Variants in FTCD observed in about 807,000 individuals in gnomAD.
FTCD encodes formimidoyltransferase-cyclodeaminase.
Under a neutral mutation model 62.9 loss-of-function variants are expected in FTCD, and 76 were observed. The observed-to-expected ratio is 1.21, with a 90% confidence interval of 1.00 to 1.46. The LOEUF (loss-of-function observed/expected upper bound fraction) is 1.46. FTCD is among the 40% of genes most tolerant of loss of function. The probability of loss-of-function intolerance (pLI) is 0.00; values close to 1 mark genes in which losing one functional copy is unlikely to be tolerated. For synonymous variants in FTCD, 397 were observed against 336.9 expected (o/e 1.18, Z -1.95); for missense variants, 845 against 751.3 (o/e 1.12, Z -1.46).
intron 1 of FTCD, 89 bp downstream of exon 1, chr21:46,155,381 C>A (rs1453301471): frequency 7.0e-6 from 8 of 1,137,284 alleles, no homozygotes; most frequent in Non-Finnish European, 9.2e-6. Flanking sequence ...CCCGGGACAC[C>A]AAGCCCACCA....
At position 46,136,907 on chromosome 21, in the gene FTCD, G is replaced by A. The variant is rs555216993; in HGVS notation, c.*80C>T. 2 of 1,602,486 alleles carry A rather than the reference G, an allele frequency of 1.2e-6. No individual in the cohort carries two copies. The highest frequency in any genetic ancestry group is 1.1e-5 in the South Asian group (1 of 89,364). On this transcript the variant is annotated 3_prime_UTR_variant, in exon 14 of 14. Coordinates refer to ENST00000397746, the MANE Select transcript of FTCD (RefSeq NM_206965.2). ...TCCGGGCCCCACACGAACAAGCTGT[G>A]TCCCCACCGAGGTCACAGCTCTGCC...
At chr21:46,150,661 G>A (rs1344462381) in intron 5 of FTCD, 136 bp from the exon 6 acceptor site, 21 of 907,668 alleles carry the variant, frequency 2.3e-5, no homozygotes, top group Admixed American at 3.7e-5. Flanking sequence ...GTTCTCCTCC[G>A]TCCCTCACTG....
At chr21:46,154,500 G>A (rs1048845317) in intron 1 of FTCD, among the ~76,000 whole-genome samples, 168 bp from the exon 2 acceptor site, 5 of 152,012 alleles carry the variant, frequency 3.3e-5, no homozygotes, top group African/African-American at 9.7e-5. Flanking sequence ...CGCACACAGC[G>A]GCCGCCCGGG....
At chr21:46,155,094 C>G (rs1226746701) in intron 1 of FTCD, among the ~76,000 whole-genome samples, 1 of 152,204 alleles carries the variant, frequency 6.6e-6, no homozygotes, top group Non-Finnish European at 1.5e-5. Context: ...CAGTGGGGAC[C>G]ATGCTGGGCC....
chr21:46,145,693 C>T (rs1373128854), intron 9 of FTCD, 115 bp from the exon 10 acceptor site: 7 of 514,864 alleles, frequency 1.4e-5, no homozygotes, highest in Non-Finnish European at 1.9e-5. Context: ...GTGGCCCCCA[C>T]GTCTCCACCC....
Position 46,136,837 on chromosome 21 carries a change from G to C in FTCD, c.*150C>G. 1 of 1,550,638 alleles carries C rather than the reference G, an allele frequency of 6.4e-7. No homozygotes were observed. The highest frequency in any genetic ancestry group is 1.2e-5 in the South Asian group (1 of 84,098). ...GACTAGGGGCCTTCTGTCCCTGCCA[G>C]CGCCTCCATTCCCAGGCGATGCCCC... On this transcript the variant is annotated 3_prime_UTR_variant, in exon 14 of 14. Transcript: ENST00000397746.
intron 7 of FTCD, among the ~76,000 whole-genome samples, chr21:46,147,289 G>GAAA (rs35123061): frequency 6.8e-6 from 1 of 147,904 alleles, no homozygotes; most frequent in African/African-American, 2.5e-5. Flanking sequence ...GGTGAAGCAG[G>GAAA]AAAAAAAAAA....
rs373803401 is a variant in FTCD, at chr21:46,138,687, A to G, written c.1305-41T>C. On this transcript the variant is annotated intron_variant, in intron 11 of 13. Transcript: ENST00000397746. ...GGAGAGCCTGAGCACAGCGGCACACACAGGCAGGCAGTGGACACACTGCAC... is the reference window on the plus strand; with the variant it reads ...GGAGAGCCTGAGCACAGCGGCACACGCAGGCAGGCAGTGGACACACTGCAC... The G allele has an allele frequency of 2.0e-3, 3,110 of 1,588,584 alleles. 8 individuals carry two copies. Among genetic ancestry groups the G allele is most frequent in the Non-Finnish European group, 2.5e-3 (2,897 of 1,171,124 alleles).
At chr21:46,146,646 C>T (rs1347884171) in intron 7 of FTCD, 4 of 501,602 alleles carry the variant, frequency 8.0e-6, no homozygotes, top group South Asian at 2.5e-5. Context: ...CATGCTTCGC[C>T]GCCCCCCAGC....
chr21:46,146,237 G>C, intron 8 of FTCD, 29 bp downstream of exon 8: 2 of 1,526,524 alleles, frequency 1.3e-6, no homozygotes, highest in South Asian at 1.2e-5. Context: ...CGGGAGGGGT[G>C]AGAAGAGGGC....
intron 7 of FTCD, among the ~76,000 whole-genome samples, chr21:46,149,757 A>G (rs1432486394): frequency 3.4e-4 from 51 of 152,198 alleles, no homozygotes; most frequent in Non-Finnish European, 8.8e-5. Context: ...TAAGTCCCAT[A>G]GCTAAAGGCA....
chr21:46,139,695 C>T (rs1304248887), intron 10 of FTCD, among the ~76,000 whole-genome samples: 2 of 152,234 alleles, frequency 1.3e-5, no homozygotes, highest in Non-Finnish European at 2.9e-5. Flanking sequence ...TTGACCATTC[C>T]GACAGCAGTG....
chr21:46,142,351 G>A (rs2079032526), intron 10 of FTCD: 1 of 143,334 alleles, frequency 7.0e-6, no homozygotes, highest in Non-Finnish European at 1.5e-5. Flanking sequence ...TGAGCCATAA[G>A]CTCTTACAGG....
chr21:46,155,440 T>A, intron 1 of FTCD, 30 bp downstream of exon 1: 1 of 1,589,780 alleles, frequency 6.3e-7, no homozygotes. Flanking sequence ...CCATCAGCCC[T>A]AGATGCTTGA....
chr21:46,150,506 A>G lies in FTCD; in HGVS notation c.656T>C (p.Val219Ala). Residue 219 changes from valine (V) to alanine (A), a missense_variant, in exon 6 of 14, where the codon GTT (valine) becomes GCT (alanine). Val to Ala is a moderately conservative substitution (Grantham distance 64). Transcript: ENST00000397746. ...GKDQPGRLKK[V>A]QGIGWYLDEK... ...ATCCAGGTACCAGCCAATGCCCTGA[A>G]CTTTCTTCAGACGTCCTGGCTGCAA... 6.2e-7 allele frequency: 1 copy of G among 1,613,350 alleles called. No homozygotes were observed. Among genetic ancestry groups the G allele is most frequent in the Non-Finnish European group, 8.5e-7 (1 of 1,179,980 alleles).
intron 7 of FTCD, among the ~76,000 whole-genome samples, chr21:46,148,928 C>T (rs1568977478): frequency 6.6e-6 from 1 of 152,126 alleles, no homozygotes; most frequent in Non-Finnish European, 1.5e-5. Flanking sequence ...GTTGAATTTC[C>T]TGATTTTGAT....
At position 46,151,600 on chromosome 21, in the gene FTCD, G is replaced by A; in HGVS notation, c.594C>T (p.Arg198=). 6.2e-7 allele frequency: 1 copy of A among 1,613,030 alleles called. No individual in the cohort carries two copies. The highest frequency in any genetic ancestry group is 8.5e-7 in the Non-Finnish European group (1 of 1,179,960). ...CCTGCTCCCGCAGGTTGAGCGCGAT[G>A]CGGTGGGCTTGCTCCTTTGTGCCGA... is the stretch of plus-strand genomic sequence containing the variant. The part of the protein sequence containing the change: ...NLLGTKEQAH[R]IALNLREQGR... Residue 198 remains arginine (R), a synonymous_variant, in exon 5 of 14, where the codon CGC becomes CGT. Coordinates refer to ENST00000397746, the MANE Select transcript of FTCD (RefSeq NM_206965.2).
intron 4 of FTCD, 55 bp from the exon 5 acceptor site, chr21:46,151,792 C>G (rs1035646736): frequency 1.3e-6 from 2 of 1,599,936 alleles, no homozygotes; most frequent in Non-Finnish European, 1.7e-6. Context: ...GAACAGCCCC[C>G]CGGGGTCCCG....
At position 46,155,207 on chromosome 21, in the gene FTCD, C is replaced by G. The variant is rs369317277; in HGVS notation, c.54+263G>C. 5.9e-5 allele frequency among the ~76,000 whole-genome samples: 9 copies of G among 152,312 alleles called. No individual in the cohort carries two copies. In the East Asian group the frequency reaches 1.7e-3, roughly 29 times the overall value. ...AGGCCCAGAGATCTGCCCAACCCCC[C>G]ACCGAAAGCACCCGAAAGGCCCCTG... On this transcript the variant is annotated intron_variant, in intron 1 of 13. Transcript: ENST00000397746.
Sources: allele counts gnomAD v4.1 joint callset (sites outside exome capture counted in the v4.1 genomes callset), GRCh38; gene constraint gnomAD v4.1.1; transcripts MANE v1.5; gene names NCBI Gene and HGNC (gene_info 2026-07-23, HGNC 2026-07-21).